The following CEP170 variants were observed in gnomAD, a reference collection of about 807,000 sequenced individuals.
The protein encoded by CEP170 is centrosomal protein 170.
In CEP170, 21 loss-of-function variants were observed where a neutral mutation model predicts 151.9. The observed-to-expected ratio is 0.14, with a 90% CI of 0.10 to 0.20. CEP170 has a LOEUF of 0.20. CEP170 is among the 10% of genes least tolerant of loss of function. The pLI is 1.00. For synonymous variants in CEP170, 356 were observed against 648.8 expected (o/e 0.55, Z 6.86); for missense variants, 964 against 1,892.9 (o/e 0.51, Z 9.11).
Position 243,209,840 on chromosome 1 carries a change from C to T in CEP170, c.274+2046G>A, listed in dbSNP as rs2061664573. Among the ~76,000 whole-genome samples, 7 of 151,834 alleles carry T rather than the reference C, an allele frequency of 4.6e-5. No individual in the cohort carries two copies. In the South Asian group the frequency reaches 1.2e-3, roughly 27 times the overall value. On this transcript the variant is annotated intron_variant, in intron 4 of 19. Coordinates refer to ENST00000366542, the MANE Select transcript of CEP170 (RefSeq NM_014812.3). The stretch of plus-strand genomic sequence containing the variant: ...CCTGAGTTGCTGGGAGTACAGGCGC[C>T]CGCCACCATGCCTGGCTAATTTTTT...
At chr1:243,139,530 G>A (rs1002118618) in intron 16 of CEP170, among the ~76,000 whole-genome samples, 3 of 151,302 alleles carry the variant, frequency 2.0e-5, no homozygotes, top group Non-Finnish European at 4.4e-5. Context: ...TAAAGAAAAA[G>A]TCCTTAATTT....
intron 10 of CEP170, among the ~76,000 whole-genome samples, chr1:243,177,316 A>C (rs1445362050): frequency 1.3e-5 from 2 of 152,242 alleles, no homozygotes; most frequent in Non-Finnish European, 2.9e-5. Context: ...TAGTTTAAAA[A>C]ATATCCAAAT....
chr1:243,239,268 T>G (rs188714431), intron 1 of CEP170, among the ~76,000 whole-genome samples: 1 of 152,312 alleles, frequency 6.6e-6, no homozygotes, highest in East Asian at 1.9e-4. Flanking sequence ...TGACCAGATA[T>G]TTTCTCTCCC....
intron 3 of CEP170, among the ~76,000 whole-genome samples, chr1:243,219,060 T>A (rs2062564647): frequency 6.6e-6 from 1 of 152,216 alleles, no homozygotes; most frequent in Non-Finnish European, 1.5e-5. Flanking sequence ...TAGTTGGTAG[T>A]TCATAGACTT....
chr1:243,139,545 A>G (rs1361863679), intron 16 of CEP170, among the ~76,000 whole-genome samples: 1 of 151,576 alleles, frequency 6.6e-6, no homozygotes, highest in Non-Finnish European at 1.5e-5. Flanking sequence ...TAATTTTAAT[A>G]TACTCAAATG....
At position 243,164,590 on chromosome 1, in the gene CEP170, C is replaced by T. The variant is rs1474112746; in HGVS notation, c.3370G>A (p.Val1124Ile). ...SELADADKAS[V>I]ASEVSTTSST... ...CTTGTTGTGGATACTTCAGAAGCAA[C>T]AGATGCTTTGTCAGCATCAGCAAGT... The change falls in exon 13 of 20, where the codon GTT becomes ATT. Residue 1124 changes from valine to isoleucine, a missense_variant. By Grantham distance (29) the Val-to-Ile change is conservative. Transcript: ENST00000366542. The T allele has an allele frequency of 6.2e-7, 1 of 1,613,576 alleles. No homozygotes were observed. Among genetic ancestry groups the T allele is most frequent in the Non-Finnish European group, 8.5e-7 (1 of 1,179,716 alleles).
intron 7 of CEP170, among the ~76,000 whole-genome samples, chr1:243,191,847 T>C (rs2060325035): frequency 6.6e-6 from 1 of 152,182 alleles, no homozygotes; most frequent in Non-Finnish European, 1.5e-5. Flanking sequence ...TGGAGATGCA[T>C]GTTCAATGTA....
chr1:243,226,005 A>C (rs539979182), intron 1 of CEP170, among the ~76,000 whole-genome samples: 5 of 138,936 alleles, frequency 3.6e-5, no homozygotes, highest in Admixed American at 7.0e-5. Context: ...ACGTATATAT[A>C]TCTAGATATA....
At chr1:243,207,342 T>A (rs1243501137) in intron 4 of CEP170, among the ~76,000 whole-genome samples, 9 of 152,162 alleles carry the variant, frequency 5.9e-5, no homozygotes, top group Admixed American at 5.2e-4. Flanking sequence ...CAAGATAGCA[T>A]AATAATCCAG....
At chr1:243,156,502 A>C in intron 13 of CEP170, 47 bp from the exon 14 acceptor site, 2 of 1,484,260 alleles carry the variant, frequency 1.3e-6, no homozygotes, top group Non-Finnish European at 1.8e-6. Context: ...GTTATCATTT[A>C]AAGGAGGTAA....
At position 243,165,201 on chromosome 1, in the gene CEP170, G is replaced by A; in HGVS notation, c.2759C>T (p.Thr920Ile). ...EDNKTDEGPD[T>I]PSYNRDNSIS... ...AGAATTGTCTCTATTATAACTGGGA[G>A]TATCTGGTCCTTCATCAGTTTTATT... Residue 920 changes from threonine to isoleucine, a missense_variant, in exon 13 of 20, where the codon ACT (threonine) becomes ATT (isoleucine). By Grantham distance (89) the Thr-to-Ile change is moderately conservative. Transcript: ENST00000366542. 2 of 1,613,604 alleles carry A rather than the reference G, an allele frequency of 1.2e-6. No homozygotes were observed. The highest frequency in any genetic ancestry group is 8.5e-7 in the Non-Finnish European group (1 of 1,179,672).
At chr1:243,142,997 CA>C (rs950222674) in intron 14 of CEP170, among the ~76,000 whole-genome samples, 2 of 152,034 alleles carry the variant, frequency 1.3e-5, no homozygotes, top group African/African-American at 4.8e-5. Flanking sequence ...ATCACTGCTT[CA>C]AAACTACTGA....
chr1:243,214,096 G>A (rs1447169705), intron 3 of CEP170, among the ~76,000 whole-genome samples: 2 of 152,026 alleles, frequency 1.3e-5, no homozygotes, highest in African/African-American at 2.4e-5. Context: ...ATTTGATATA[G>A]TATGTAAGTG....
intron 4 of CEP170, among the ~76,000 whole-genome samples, chr1:243,206,244 C>T (rs1416579168): frequency 6.6e-6 from 1 of 152,174 alleles, no homozygotes; most frequent in Non-Finnish European, 1.5e-5. Context: ...AGAGATTCTC[C>T]TGCCTCAGCA....
chr1:243,156,523 A>G, intron 13 of CEP170, 68 bp from the exon 14 acceptor site: 2 of 1,431,848 alleles, frequency 1.4e-6, no homozygotes, highest in South Asian at 1.5e-5. Context: ...AATAAAAGTC[A>G]TGACTTCAAA....
chr1:243,201,110 C>A (rs1326441034), intron 4 of CEP170, among the ~76,000 whole-genome samples: 1 of 152,072 alleles, frequency 6.6e-6, no homozygotes, highest in Admixed American at 6.6e-5. Flanking sequence ...AGCACAGAGA[C>A]ATTTTCAATT....
rs534962096 is a variant in CEP170, at chr1:243,252,223, T to C, written c.-42+2817A>G. Among the ~76,000 whole-genome samples, 3 of 152,308 alleles carry C rather than the reference T, an allele frequency of 2.0e-5. No individual in the cohort carries two copies. The South Asian group carries it at 6.2e-4, about 32-fold the overall frequency. ...TTATACTTCCAGAATAATTTGCAAC[T>C]GTACAGATACTTTAGTTAGCAATTA... On this transcript the variant is annotated intron_variant, in intron 1 of 19. Transcript: ENST00000366542.
Position 243,185,625 on chromosome 1 carries a change from G to A in CEP170, c.1566+154C>T, listed in dbSNP as rs1010839464. On this transcript the variant is annotated intron_variant, in intron 10 of 19. Coordinates refer to ENST00000366542, the MANE Select transcript of CEP170 (RefSeq NM_014812.3). This position sits in a 1 kb window ranked among gnomAD's most constrained non-coding sequence, Gnocchi z 4.9. ...GCAAATAAAATCACAAAGCATGTTGGTCTTACTGTTAAGTCTTGCAGTTCC... is the reference window on the plus strand; with the variant it reads ...GCAAATAAAATCACAAAGCATGTTGATCTTACTGTTAAGTCTTGCAGTTCC... Among the ~76,000 whole-genome samples, 1 of 152,084 alleles carries A rather than the reference G, an allele frequency of 6.6e-6. No homozygotes were observed. The highest frequency in any genetic ancestry group is 1.5e-5 in the Non-Finnish European group (1 of 68,018).
In CEP170 at chr1:243,222,677, G is replaced by A. The variant is rs143196107; in HGVS notation, c.106-864C>T. On this transcript the variant is annotated intron_variant, in intron 2 of 19. Transcript: ENST00000366542. ...GAACAGACATGACTTCCAATTTTTG[G>A]TCCAACATGGAAAGAATCTGAAGTC... is the stretch of plus-strand genomic sequence containing the variant. 1.4e-4 allele frequency among the ~76,000 whole-genome samples: 22 copies of A among 152,260 alleles called. No homozygotes were observed. The East Asian group carries it at 4.0e-3, about 28-fold the overall frequency.
Sources: allele counts gnomAD v4.1 joint callset (sites outside exome capture counted in the v4.1 genomes callset), GRCh38; gene constraint gnomAD v4.1.1; non-coding constraint Gnocchi (gnomAD v3.1); transcripts MANE v1.5; gene names NCBI Gene and HGNC (gene_info 2026-07-23, HGNC 2026-07-21).